PTK7: variants seen among roughly 807,000 people sequenced by gnomAD.
PTK7 encodes protein tyrosine kinase 7 (inactive).
A neutral mutation model predicts 116.6 loss-of-function variants in PTK7; 39 were observed. The observed-to-expected ratio is 0.33, with a 90% CI of 0.26 to 0.44. The LOEUF is 0.44. Among genes scored for constraint, PTK7 ranks in the 20% least tolerant of loss-of-function variants. PTK7 has a pLI of 1.00. For missense variants in PTK7, 1,169 were observed against 1,425.6 expected (o/e 0.82, Z 2.90); for synonymous variants, 546 against 563.6 (o/e 0.97, Z 0.44).
At chr6:43,128,173 A>T (rs1769414283) in intron 1 of PTK7, among the ~76,000 whole-genome samples, 1 of 152,122 alleles carries the variant, frequency 6.6e-6, no homozygotes, top group Non-Finnish European at 1.5e-5. Flanking sequence ...TTGGGTCATG[A>T]TTTAACTTTA....
Position 43,145,264 on chromosome 6 carries a change from G to C in PTK7, c.2472G>C (p.Glu824Asp), listed in dbSNP as rs762464563. The C allele has an allele frequency of 2.5e-6, 4 of 1,613,930 alleles. No homozygotes were observed. The South Asian group carries it at 3.3e-5, about 13-fold the overall frequency. The change falls in exon 16 of 20, where the codon GAG (glutamate) becomes GAC (aspartate). Residue 824 changes from glutamate (E) to aspartate (D), a missense_variant. Coordinates refer to ENST00000230419, the MANE Select transcript of PTK7 (RefSeq NM_002821.5). This position sits in a 1 kb window ranked among gnomAD's most constrained non-coding sequence, Gnocchi z 4.8. ...AGGGCTTGGAGGAGGGAGTGGCAGAGACCCTGGTACTTGTGAAGAGCCTGC... is the reference window on the plus strand; with the variant it reads ...AGGGCTTGGAGGAGGGAGTGGCAGACACCCTGGTACTTGTGAAGAGCCTGC... ...KAQGLEEGVA[E>D]TLVLVKSLQS...
Position 43,129,740 on chromosome 6 carries a change from T to C in PTK7, c.381T>C (p.Gly127=). Residue 127 remains glycine, a synonymous_variant, in exon 3 of 20, where the codon GGT becomes GGC. Coordinates refer to ENST00000230419, the MANE Select transcript of PTK7 (RefSeq NM_002821.5). The surrounding 1 kb of genome is among the most constrained non-coding windows in gnomAD (Gnocchi z 4.5). The stretch of plus-strand genomic sequence containing the variant: ...CCTCTGCTACAGGGATTGAGGCAGG[T>C]CCTGTGGTCCTGAAGCATCCAGCCT... The part of the protein sequence containing the change: ...ASFNIKWIEA[G]PVVLKHPASE... 6.2e-7 allele frequency: 1 copy of C among 1,614,066 alleles called. No homozygotes were observed. Among genetic ancestry groups the C allele is most frequent in the Non-Finnish European group, 8.5e-7 (1 of 1,179,994 alleles).
chr6:43,137,653 CAG>C (rs1047404013), intron 7 of PTK7, among the ~76,000 whole-genome samples: 3 of 152,144 alleles, frequency 2.0e-5, no homozygotes, highest in Non-Finnish European at 4.4e-5. Context: ...GTTGCTAAAA[CAG>C]AACAGATTTC....
At chr6:43,142,502 G>GGT (rs142795079) in intron 13 of PTK7, 67,066 of 767,572 alleles carry the variant, frequency 0.087, 2,877 homozygotes, top group East Asian at 0.28. Context: ...TCCAACGGTC[G>GGT]GTGTGTGTGT....
At chr6:43,153,472 C>A (rs1010537542) in intron 17 of PTK7, among the ~76,000 whole-genome samples, 1 of 151,856 alleles carries the variant, frequency 6.6e-6, no homozygotes, top group African/African-American at 2.4e-5. Flanking sequence ...TGCAGTGGTG[C>A]AATCATGGCT....
intron 17 of PTK7, 107 bp from the exon 18 acceptor site, chr6:43,158,710 C>G: frequency 4.0e-6 from 5 of 1,245,556 alleles, no homozygotes; most frequent in Non-Finnish European, 5.6e-6. Context: ...TCTGGGCTTC[C>G]TACGCAGCAC....
chr6:43,129,176 G>T lies in PTK7; in HGVS notation c.279G>T (p.Leu93=). The T allele has an allele frequency of 6.2e-7, 1 of 1,614,226 alleles. No individual in the cohort carries two copies. Among genetic ancestry groups the T allele is most frequent in the Non-Finnish European group, 8.5e-7 (1 of 1,180,058 alleles). The change falls in exon 2 of 20, where the codon CTG becomes CTT. Residue 93 remains leucine (L), a synonymous_variant. Coordinates refer to ENST00000230419, the MANE Select transcript of PTK7 (RefSeq NM_002821.5). This position sits in a 1 kb window ranked among gnomAD's most constrained non-coding sequence, Gnocchi z 4.5. ...SSLSFAAVDR[L]QDSGTFQCVA... ...TGAGCTTTGCAGCTGTGGACCGGCT[G>T]CAGGACTCTGGCACCTTCCAGTGTG...
chr6:43,127,086 A>T (rs1481580993), intron 1 of PTK7, among the ~76,000 whole-genome samples: 1 of 152,238 alleles, frequency 6.6e-6, no homozygotes, highest in African/African-American at 2.4e-5. Context: ...GCCATAAAGA[A>T]CAGAACCCCA....
chr6:43,141,803 A>T lies in PTK7; in HGVS notation c.1754A>T (p.Gln585Leu). 1.9e-6 allele frequency: 3 copies of T among 1,613,838 alleles called. No individual in the cohort carries two copies. Among genetic ancestry groups the T allele is most frequent in the Non-Finnish European group, 2.5e-6 (3 of 1,179,882 alleles). Residue 585 changes from glutamine (Q) to leucine (L), a missense_variant, in exon 11 of 20, where the codon CAG (glutamine) becomes CTG (leucine). Gln to Leu is a moderately radical substitution (Grantham distance 113). Around this residue, in one of 3 missense-constraint regions of PTK7, gnomAD observed 678 missense variants for 853.8 expected, o/e 0.79. Coordinates refer to ENST00000230419, the MANE Select transcript of PTK7 (RefSeq NM_002821.5). The surrounding 1 kb of genome is among the most constrained non-coding windows in gnomAD (Gnocchi z 4.9). ...CAGGGCCAGATTCGTGCCCATGTCC[A>T]GCTCACTGTGGCAGGTGCGACCGTG... ...GPQGQIRAHV[Q>L]LTVAVFITFK...
At chr6:43,115,006 C>T (rs1768425140) in intron 1 of PTK7, among the ~76,000 whole-genome samples, 1 of 151,040 alleles carries the variant, frequency 6.6e-6, no homozygotes, top group Non-Finnish European at 1.5e-5. Flanking sequence ...CTTGCCATTG[C>T]ACTCCAGCCT....
At chr6:43,159,036 A>C in intron 18 of PTK7, 68 bp downstream of exon 18, 3 of 1,583,868 alleles carry the variant, frequency 1.9e-6, no homozygotes, top group Non-Finnish European at 2.6e-6. Context: ...GAGGACAGAT[A>C]GTTTGGGGGG....
Position 43,076,670 on chromosome 6 carries a change from T to G in PTK7, c.79+103T>G. The stretch of plus-strand genomic sequence containing the variant: ...TGGGTTTGGGCGGCTGGAACGGCCC[T>G]GGAGTAGTGGAGAGGCTCGCTGGGG... On this transcript the variant is annotated intron_variant, in intron 1 of 19. Transcript: ENST00000230419. The surrounding 1 kb of genome is among the most constrained non-coding windows in gnomAD (Gnocchi z 5.7). 3 of 1,412,154 alleles carry G rather than the reference T, an allele frequency of 2.1e-6. No individual in the cohort carries two copies. The highest frequency in any genetic ancestry group is 2.8e-6 in the Non-Finnish European group (3 of 1,060,284). The allele number at this position is 1,412,154 out of a possible 1,614,324, so 87.5% of individuals were successfully genotyped here. A position where few individuals can be genotyped will look rare whatever the true frequency, so the allele number is the denominator to read the frequency against.
intron 18 of PTK7, 127 bp downstream of exon 18, chr6:43,159,095 G>A: frequency 8.2e-7 from 1 of 1,219,330 alleles, no homozygotes; most frequent in Non-Finnish European, 1.1e-6. Context: ...GAGGGCCTGG[G>A]ATAGGGAAGA....
chr6:43,099,137 CTT>C (rs1767423528), intron 1 of PTK7, among the ~76,000 whole-genome samples: 1 of 149,606 alleles, frequency 6.7e-6, no homozygotes, highest in African/African-American at 2.5e-5. Context: ...AAAAATGTGA[CTT>C]TGGCAATTCT....
Position 43,141,457 on chromosome 6 carries a change from CAG to C in PTK7, c.1619-210_1619-209del. ...GGTTTGGCAGACGTGGAATGTCACA[CAG>C]GGCAGTAGGAGGAAGAGGTGAGACT... On this transcript the variant is annotated intron_variant, in intron 10 of 19. Coordinates refer to ENST00000230419, the MANE Select transcript of PTK7 (RefSeq NM_002821.5). The surrounding 1 kb of genome is among the most constrained non-coding windows in gnomAD (Gnocchi z 4.9). Among the ~76,000 whole-genome samples, 1 of 152,244 alleles carries C rather than the reference CAG, an allele frequency of 6.6e-6. No homozygotes were observed. Among genetic ancestry groups the C allele is most frequent in the East Asian group, 1.9e-4 (1 of 5,170 alleles).
rs781436344 is a variant in PTK7 at position 43,139,491 on chromosome 6, C to T, written c.1584C>T (p.Gly528=). The T allele has an allele frequency of 6.2e-7, 1 of 1,614,220 alleles. No individual in the cohort carries two copies. Among genetic ancestry groups the T allele is most frequent in the Non-Finnish European group, 8.5e-7 (1 of 1,180,046 alleles). ...CCACGGTGCCCTGTTCAGCCACAGG[C>T]CGAGAGAAGCCCACTATTAAGTGGG... ...KEATVPCSAT[G]REKPTIKWER... Residue 528 remains glycine (G), a synonymous_variant, in exon 10 of 20, where the codon GGC becomes GGT. Transcript: ENST00000230419. This position sits in a 1 kb window ranked among gnomAD's most constrained non-coding sequence, Gnocchi z 4.6.
chr6:43,078,369 A>C (rs1231327219), intron 1 of PTK7, among the ~76,000 whole-genome samples: 1 of 152,054 alleles, frequency 6.6e-6, no homozygotes, highest in Admixed American at 6.6e-5. Context: ...TGTGCTCAAC[A>C]AAGGAACATT....
In PTK7 at chr6:43,126,750, C is replaced by T. The variant is rs138267273; in HGVS notation, c.80-2227C>T. 4.1e-4 allele frequency among the ~76,000 whole-genome samples: 62 copies of T among 152,338 alleles called. 1 individual carries two copies. The highest frequency in any genetic ancestry group is 3.4e-3 in the Middle Eastern group (1 of 294). On this transcript the variant is annotated intron_variant, in intron 1 of 19. Coordinates refer to ENST00000230419, the MANE Select transcript of PTK7 (RefSeq NM_002821.5). ...TACCCATCTGTACCACGGTGCTGAG[C>T]AGGAACAGAGCCCTATTCCTGTGGA... is the stretch of plus-strand genomic sequence containing the variant.
chr6:43,111,445 T>C (rs1318485065), intron 1 of PTK7, among the ~76,000 whole-genome samples: 1 of 152,192 alleles, frequency 6.6e-6, no homozygotes, highest in African/African-American at 2.4e-5. Context: ...AGAGGAATGC[T>C]GACAAAGGCC....
Sources: allele counts gnomAD v4.1 joint callset (sites outside exome capture counted in the v4.1 genomes callset), GRCh38; gene constraint gnomAD v4.1.1; regional missense constraint gnomAD v4.1.1; non-coding constraint Gnocchi (gnomAD v3.1); transcripts MANE v1.5; gene names NCBI Gene and HGNC (gene_info 2026-07-23, HGNC 2026-07-21).